The following CDCA8 variants were observed in gnomAD, a reference collection of about 807,000 sequenced individuals.
CDCA8 encodes borealin.
Under a neutral mutation model 40.0 loss-of-function variants are expected in CDCA8, and 25 were observed. The observed-to-expected ratio is 0.63, with a 90% CI of 0.46 to 0.87. The LOEUF (loss-of-function observed/expected upper bound fraction) is 0.87, where lower values mean the gene tolerates loss of function less well. Among genes scored for constraint, CDCA8 ranks in the 40% least tolerant of loss-of-function variants. The probability of loss-of-function intolerance (pLI) is 0.00; values close to 1 mark genes in which losing one functional copy is unlikely to be tolerated. For synonymous variants in CDCA8, 111 were observed against 126.5 expected, an observed-to-expected ratio of 0.88 and a Z score of 0.82; for missense variants, 280 against 348.4, an observed-to-expected ratio of 0.80 and a Z score of 1.56.
At chr1:37,702,613 G>A (rs759600628) in intron 6 of CDCA8, among the ~76,000 whole-genome samples, 1 of 152,104 alleles carries the variant, frequency 6.6e-6, no homozygotes, top group Non-Finnish European at 1.5e-5. Flanking sequence ...CAGAATTCCA[G>A]CTGGGGGAGC....
chr1:37,700,573 A>G (rs1359720559), intron 5 of CDCA8, 52 bp downstream of exon 5: 2 of 1,029,118 alleles, frequency 1.9e-6, no homozygotes, highest in Non-Finnish European at 3.1e-6. Flanking sequence ...ACAAGCAAAT[A>G]CAAATGCATA....
At chr1:37,705,420 A>G in intron 7 of CDCA8, 21 bp from the exon 8 acceptor site, 1 of 1,609,750 alleles carries the variant, frequency 6.2e-7, no homozygotes, top group Non-Finnish European at 8.5e-7. Context: ...AGCTATCTTC[A>G]CAGAGATTTT....
chr1:37,702,906 T>A (rs1335572019), intron 6 of CDCA8, among the ~76,000 whole-genome samples: 6 of 147,782 alleles, frequency 4.1e-5, no homozygotes, highest in African/African-American at 1.5e-4. Context: ...GAGCCAAGAT[T>A]ACGCCATTGC....
At position 37,692,600 on chromosome 1, in the gene CDCA8, C is replaced by A; in HGVS notation, c.-91C>A. 1 of 1,007,934 alleles carries A rather than the reference C, an allele frequency of 9.9e-7. No homozygotes were observed. Among genetic ancestry groups the A allele is most frequent in the Non-Finnish European group, 1.5e-6 (1 of 653,264 alleles). 62.4% of individuals were successfully genotyped at this position (1,007,934 alleles called of 1,614,324 possible). A position where few individuals can be genotyped will look rare whatever the true frequency, so the allele number is the denominator to read the frequency against. ...GCAGGTACGTGCCTGGCGACTTCTTCGGGTGGTCCCCGTCCGCCCTCCTCG... is the reference window on the plus strand; with the variant it reads ...GCAGGTACGTGCCTGGCGACTTCTTAGGGTGGTCCCCGTCCGCCCTCCTCG... On this transcript the variant is annotated 5_prime_UTR_variant, in exon 1 of 10. Coordinates refer to ENST00000373055, the MANE Select transcript of CDCA8 (RefSeq NM_001256875.2).
chr1:37,695,071 G>A (rs1645516991), intron 2 of CDCA8, among the ~76,000 whole-genome samples: 1 of 152,124 alleles, frequency 6.6e-6, no homozygotes, highest in African/African-American at 2.4e-5. Flanking sequence ...AAAATAAGCA[G>A]GCTGGGCACA....
chr1:37,694,195 G>C (rs1435699417), intron 2 of CDCA8, among the ~76,000 whole-genome samples: 1 of 152,106 alleles, frequency 6.6e-6, no homozygotes, highest in Non-Finnish European at 1.5e-5. Context: ...GCCTGTTTCT[G>C]CACTCCCTTA....
chr1:37,708,277 G>A (rs373161675), intron 9 of CDCA8, 45 bp from the exon 10 acceptor site: 94 of 1,597,572 alleles, frequency 5.9e-5, no homozygotes, highest in Non-Finnish European at 7.8e-5. Flanking sequence ...GGGCAAGCCT[G>A]CCAAGTGACA....
chr1:37,698,793 T>C (rs1645543428), intron 3 of CDCA8, 112 bp from the exon 4 acceptor site: 2 of 709,822 alleles, frequency 2.8e-6, no homozygotes, highest in South Asian at 3.4e-5. Flanking sequence ...ATCACTAACA[T>C]TTAACAGTCT....
In CDCA8 at chr1:37,700,516, G is replaced by T. The variant is rs751403716; in HGVS notation, c.418G>T (p.Ala140Ser). The T allele has an allele frequency of 2.5e-6, 4 of 1,598,210 alleles. No homozygotes were observed. In the East Asian group the frequency reaches 8.9e-5, roughly 36 times the overall value. The change falls in exon 5 of 10, where the codon GCA becomes TCA. Residue 140 changes from alanine to serine, a missense_variant. Physicochemically the swap from Ala to Ser is moderately conservative, Grantham distance 99. Transcript: ENST00000373055. ...EENERKNLQT[A>S]RVKRCPPSKK... ...AAATGAACGTAAGAATCTTCAAACT[G>T]CAAGAGTAAGTGGACACTGAGGTTG...
intron 3 of CDCA8, among the ~76,000 whole-genome samples, chr1:37,697,915 G>A (rs1463716240): frequency 1.3e-5 from 2 of 152,176 alleles, no homozygotes; most frequent in African/African-American, 4.8e-5. Context: ...TACCAGAAAT[G>A]AAACCTGTGC....
intron 5 of CDCA8, 49 bp from the exon 6 acceptor site, chr1:37,701,705 T>A: frequency 1.0e-5 from 13 of 1,266,922 alleles, no homozygotes; most frequent in Non-Finnish European, 1.5e-5. Context: ...CTTACCTTCC[T>A]CTTTGCTGGG....
chr1:37,705,585 G>C lies in CDCA8; in HGVS notation c.711+18G>C. ...GCGGAGAGGTGAAGTATTTCCAAGG[G>C]AAGCCAGGCCACAGTGTGCTGCTTA... On this transcript the variant is annotated intron_variant, in intron 8 of 9. Transcript: ENST00000373055. 1 of 1,611,302 alleles carries C rather than the reference G, an allele frequency of 6.2e-7. No individual in the cohort carries two copies. Among genetic ancestry groups the C allele is most frequent in the South Asian group, 1.1e-5 (1 of 90,968 alleles).
In CDCA8 at chr1:37,696,195, C is replaced by T. The variant is rs564574958; in HGVS notation, c.264+245C>T. Among the ~76,000 whole-genome samples the T allele has an allele frequency of 1.3e-4, 20 of 152,276 alleles. No homozygotes were observed. The highest frequency in any genetic ancestry group is 2.1e-4 in the South Asian group (1 of 4,826). On this transcript the variant is annotated intron_variant, in intron 3 of 9. Coordinates refer to ENST00000373055, the MANE Select transcript of CDCA8 (RefSeq NM_001256875.2). The surrounding 1 kb of genome is among the most constrained non-coding windows in gnomAD (Gnocchi z 5.0). ...CAGTCCTTTGTTCTGAACTCTACAG[C>T]GGAAGTAGAAAGCCTCAAGCCCAAG...
chr1:37,697,378 C>A (rs1645534409), intron 3 of CDCA8, among the ~76,000 whole-genome samples: 1 of 152,204 alleles, frequency 6.6e-6, no homozygotes, highest in Non-Finnish European at 1.5e-5. Flanking sequence ...CCTGTAGAGT[C>A]AAACAGAACA....
rs567897524 is a variant in CDCA8, at chr1:37,699,563, C to T, written c.337+586C>T. On this transcript the variant is annotated intron_variant, in intron 4 of 9. Coordinates refer to ENST00000373055, the MANE Select transcript of CDCA8 (RefSeq NM_001256875.2). ...CCTGGGCAATGTAGTGAGACCTTGT[C>T]TCTGAAAAAAAAAAGAAAGAAAGAA... 5.6e-4 allele frequency among the ~76,000 whole-genome samples: 82 copies of T among 145,426 alleles called. 1 individual carries two copies. Among genetic ancestry groups the T allele is most frequent in the Admixed American group, 3.5e-4 (5 of 14,160 alleles).
At chr1:37,704,608 A>G (rs1300571429) in intron 7 of CDCA8, among the ~76,000 whole-genome samples, 1 of 148,310 alleles carries the variant, frequency 6.7e-6, no homozygotes, top group Admixed American at 6.7e-5. Context: ...GGAAGTGTTG[A>G]AGATTTATTT....
chr1:37,692,614 C>T lies in CDCA8; in HGVS notation c.-77C>T. ...GGCGACTTCTTCGGGTGGTCCCCGT[C>T]CGCCCTCCTCGTCCCTACCCAGTTT... On this transcript the variant is annotated 5_prime_UTR_variant, in exon 1 of 10. Transcript: ENST00000373055. The T allele has an allele frequency of 2.5e-6, 3 of 1,187,664 alleles. No individual in the cohort carries two copies. Among genetic ancestry groups the T allele is most frequent in the Admixed American group, 3.9e-5 (2 of 51,216 alleles). 73.6% of individuals were successfully genotyped at this position (1,187,664 alleles called of 1,614,324 possible).
At chr1:37,700,333 C>T in intron 4 of CDCA8, 103 bp from the exon 5 acceptor site, 1 of 708,598 alleles carries the variant, frequency 1.4e-6, no homozygotes, top group African/African-American at 1.8e-5. Context: ...CCATTTCTTC[C>T]TTGCAGCTTA....
At position 37,692,889 on chromosome 1, in the gene CDCA8, C is replaced by T; in HGVS notation, c.95-16C>T. 2 of 1,613,744 alleles carry T rather than the reference C, an allele frequency of 1.2e-6. No individual in the cohort carries two copies. Among genetic ancestry groups the T allele is most frequent in the African/African-American group, 1.3e-5 (1 of 75,048 alleles). On this transcript the variant is annotated splice_polypyrimidine_tract_variant and intron_variant, in intron 1 of 9. Coordinates refer to ENST00000373055, the MANE Select transcript of CDCA8 (RefSeq NM_001256875.2). ...CCGCCCGTGACCCGTGTCCTGTCGG[C>T]TCTGCCCTCCCGCAGTGGAAATACG...
Sources: allele counts gnomAD v4.1 joint callset (sites outside exome capture counted in the v4.1 genomes callset), GRCh38; gene constraint gnomAD v4.1.1; non-coding constraint Gnocchi (gnomAD v3.1); transcripts MANE v1.5; gene names NCBI Gene and HGNC (gene_info 2026-07-23, HGNC 2026-07-21).